The following ANGPT1 variants were observed in gnomAD, a reference collection of about 807,000 sequenced individuals.
ANGPT1 encodes angiopoietin 1, also known as angiopoietin-1.
A neutral mutation model predicts 62.2 loss-of-function variants in ANGPT1; 17 were observed. The observed-to-expected ratio is 0.27, with a 90% CI of 0.19 to 0.41. The LOEUF is 0.41. Ranked by LOEUF, ANGPT1 falls within the 10% of genes least tolerant of loss-of-function variation. The pLI is 1.00. For missense variants in ANGPT1, 478 were observed against 594.9 expected (o/e 0.80, Z 2.04); for synonymous variants, 199 against 198.9 (o/e 1.00, Z 0.00).
chr8:107,393,733 C>A (rs777930712), intron 1 of ANGPT1, among the ~76,000 whole-genome samples: 2 of 152,186 alleles, frequency 1.3e-5, no homozygotes, highest in Non-Finnish European at 2.9e-5. Context: ...TCACTTGAAC[C>A]TGGGAGACGG....
At chr8:107,413,308 G>A (rs1377129212) in intron 1 of ANGPT1, among the ~76,000 whole-genome samples, 1 of 152,070 alleles carries the variant, frequency 6.6e-6, no homozygotes, top group African/African-American at 2.4e-5. Flanking sequence ...ACAGCTTCAG[G>A]CTGGAAGGCA....
intron 1 of ANGPT1, 141 bp downstream of exon 1, chr8:107,497,121 A>G: frequency 1.0e-6 from 1 of 999,050 alleles, no homozygotes; most frequent in Middle Eastern, 3.3e-4. Flanking sequence ...CCAAACCCAG[A>G]CAGCCGTCTT....
chr8:107,251,965 T>C lies in ANGPT1; in HGVS notation c.1387A>G (p.Thr463Ala). The C allele has an allele frequency of 6.2e-7, 1 of 1,613,890 alleles. No individual in the cohort carries two copies. The highest frequency in any genetic ancestry group is 8.5e-7 in the Non-Finnish European group (1 of 1,179,864). The part of the protein sequence containing the change: ...GPSNLNGMFY[T>A]AGQNHGKLNG... ...AGTTTTCCATGGTTTTGTCCCGCAG[T>C]ATAGAACATTCCATTTAGATTGGAG... Residue 463 changes from threonine (T) to alanine (A), a missense_variant, in exon 9 of 9, where the codon ACT (threonine) becomes GCT (alanine). This residue lies in a region of ANGPT1 where 35 missense variants were observed against 49.6 expected (regional missense o/e 0.71). Transcript: ENST00000517746.
chr8:107,406,003 C>T (rs983706788), intron 1 of ANGPT1, among the ~76,000 whole-genome samples: 2 of 151,836 alleles, frequency 1.3e-5, no homozygotes, highest in African/African-American at 4.8e-5. Context: ...AATTTCTACT[C>T]TCACCAGTGA....
At chr8:107,308,577 G>T (rs1814776481) in intron 4 of ANGPT1, among the ~76,000 whole-genome samples, 1 of 152,136 alleles carries the variant, frequency 6.6e-6, no homozygotes, top group Admixed American at 6.6e-5. Context: ...TGGACACCAG[G>T]AAGGCTACCT....
intron 1 of ANGPT1, among the ~76,000 whole-genome samples, chr8:107,426,386 T>C (rs1384148425): frequency 2.0e-5 from 3 of 152,154 alleles, no homozygotes; most frequent in African/African-American, 7.2e-5. Context: ...AGTGGGCGGG[T>C]GATCCAAGGT....
intron 4 of ANGPT1, among the ~76,000 whole-genome samples, chr8:107,303,773 AAC>A (rs1320426047): frequency 6.6e-6 from 1 of 151,854 alleles, no homozygotes; most frequent in Non-Finnish European, 1.5e-5. Context: ...AAAAAGTGCT[AAC>A]ACACTTTTTG....
intron 1 of ANGPT1, among the ~76,000 whole-genome samples, chr8:107,393,866 A>G (rs1164805664): frequency 6.6e-6 from 1 of 152,202 alleles, no homozygotes; most frequent in Non-Finnish European, 1.5e-5. Flanking sequence ...TACTTCCTGC[A>G]ATAGATGGAG....
intron 1 of ANGPT1, among the ~76,000 whole-genome samples, chr8:107,454,374 C>T (rs1041124069): frequency 6.6e-6 from 1 of 152,008 alleles, no homozygotes; most frequent in Non-Finnish European, 1.5e-5. Flanking sequence ...ACTGTCTATT[C>T]TATTTATTTG....
intron 1 of ANGPT1, among the ~76,000 whole-genome samples, chr8:107,479,683 T>C (rs907188735): frequency 5.9e-5 from 9 of 152,320 alleles, no homozygotes; most frequent in African/African-American, 2.2e-4. Flanking sequence ...AATAACTTCA[T>C]GACTAGATTC....
chr8:107,435,149 A>T (rs1441402667), intron 1 of ANGPT1, among the ~76,000 whole-genome samples: 1 of 152,212 alleles, frequency 6.6e-6, no homozygotes. Flanking sequence ...CTTTAGAGTG[A>T]CAGAAATGTT....
intron 1 of ANGPT1, among the ~76,000 whole-genome samples, chr8:107,352,136 T>G (rs1815946533): frequency 6.6e-6 from 1 of 152,164 alleles, no homozygotes; most frequent in African/African-American, 2.4e-5. Flanking sequence ...TTGTTACCAA[T>G]GTTAAAAACA....
intron 1 of ANGPT1, among the ~76,000 whole-genome samples, chr8:107,373,024 A>C (rs1816447697): frequency 6.6e-6 from 1 of 152,130 alleles, no homozygotes; most frequent in African/African-American, 2.4e-5. Flanking sequence ...GTCATGCTAA[A>C]ACATTTGAGA....
chr8:107,407,266 A>T (rs944930413), intron 1 of ANGPT1, among the ~76,000 whole-genome samples: 2 of 50,484 alleles, frequency 4.0e-5, no homozygotes, highest in African/African-American at 1.8e-4. Context: ...AATGTAGACC[A>T]TGTTTTTTTT....
At chr8:107,297,956 A>C (rs1466661021) in intron 5 of ANGPT1, among the ~76,000 whole-genome samples, 2 of 151,918 alleles carry the variant, frequency 1.3e-5, no homozygotes, top group Admixed American at 1.3e-4. Context: ...TGAAAAGTTC[A>C]TTTGCCAGTA....
At chr8:107,419,221 C>G (rs1810832071) in intron 1 of ANGPT1, among the ~76,000 whole-genome samples, 1 of 152,080 alleles carries the variant, frequency 6.6e-6, no homozygotes, top group Non-Finnish European at 1.5e-5. Context: ...TTTGAGGAAA[C>G]AGCAGAAGCA....
intron 7 of ANGPT1, among the ~76,000 whole-genome samples, chr8:107,268,275 C>G (rs915942298): frequency 2.0e-5 from 3 of 152,062 alleles, no homozygotes; most frequent in African/African-American, 7.2e-5. Context: ...ACTCTAATAT[C>G]AAAATATACT....
intron 2 of ANGPT1, among the ~76,000 whole-genome samples, chr8:107,341,998 C>A (rs1014589584): frequency 1.3e-5 from 2 of 152,058 alleles, no homozygotes; most frequent in African/African-American, 4.8e-5. Context: ...CTGCCCCTGC[C>A]CCCTAAATTA....
chr8:107,276,628 T>TA (rs10709941), intron 7 of ANGPT1, among the ~76,000 whole-genome samples: 2,349 of 150,508 alleles, frequency 0.016, 22 homozygotes, highest in Non-Finnish European at 0.026. Context: ...TTTAATGATT[T>TA]AAAAAAAAAA....
Sources: gnomAD v4.1 joint callset for allele counts (sites outside exome capture counted in the v4.1 genomes callset) on GRCh38, gnomAD v4.1.1 for gene constraint, gnomAD v4.1.1 regional missense constraint, MANE v1.5 for transcripts, NCBI Gene and HGNC (gene_info 2026-07-23, HGNC 2026-07-21) for gene names.